Variants in KLF8 observed in about 807,000 individuals in gnomAD.
The protein encoded by KLF8 is KLF transcription factor 8, also known as Krueppel-like factor 8.
Under a neutral mutation model 18.2 loss-of-function variants are expected in KLF8, and 10 were observed. The ratio of observed to expected loss-of-function variants is 0.55; its 90% CI spans 0.34 to 0.93. KLF8 has a LOEUF of 0.93. Ranked by LOEUF, KLF8 falls within the 40% of genes least tolerant of loss-of-function variation. The pLI, the probability that KLF8 is intolerant of heterozygous loss-of-function variation, is 0.02. For missense variants in KLF8, 264 were observed against 277.9 expected (o/e 0.95, Z 0.36); for synonymous variants, 109 against 97.3 (o/e 1.12, Z -0.71).
At chrX:56,266,275 T>C (rs1161354667) in intron 3 of KLF8, 1 of 750,329 alleles carries the variant, frequency 1.3e-6, no homozygotes, top group Non-Finnish European at 1.6e-6. Flanking sequence ...CCTTTTCTCT[T>C]CCCTACAAAA....
At chrX:56,140,797 T>TAAAAAA in the KLF8 span, among the ~76,000 whole-genome samples, 21 of 43,900 alleles carry the variant, frequency 4.8e-4, no homozygotes, top group East Asian at 1.4e-3. Flanking sequence ...GCCCCTCCAG[T>TAAAAAA]AAAAAAAAAA....
the KLF8 span, among the ~76,000 whole-genome samples, chrX:56,035,014 C>T: frequency 9.0e-6 from 1 of 110,890 alleles, no homozygotes; most frequent in African/African-American, 3.3e-5. Flanking sequence ...CTCGGCCTCC[C>T]AAAGTGCTGG....
the KLF8 span, among the ~76,000 whole-genome samples, chrX:56,044,451 G>A: frequency 8.9e-6 from 1 of 112,266 alleles, no homozygotes; most frequent in East Asian, 2.8e-4. Context: ...CATCCCACTG[G>A]GAGCTTCACC....
intron 5 of KLF8, among the ~76,000 whole-genome samples, chrX:56,272,527 C>T (rs1473748571): frequency 9.0e-6 from 1 of 111,203 alleles, no homozygotes; most frequent in African/African-American, 3.3e-5. Context: ...TGTTTAGATT[C>T]GGAATTGTTC....
At chrX:56,263,025 A>G (rs970489879) in intron 2 of KLF8, among the ~76,000 whole-genome samples, 1 of 112,341 alleles carries the variant, frequency 8.9e-6, no homozygotes, top group African/African-American at 3.2e-5. Flanking sequence ...TCTTTTGAAG[A>G]TTCCTTGGAT....
At chrX:56,153,609 G>T in the KLF8 span, among the ~76,000 whole-genome samples, 1 of 111,293 alleles carries the variant, frequency 9.0e-6, no homozygotes, top group Non-Finnish European at 1.9e-5. Flanking sequence ...GAAATAAAGG[G>T]TATTCAATTA....
At chrX:56,258,600 G>C (rs762536175) in intron 2 of KLF8, among the ~76,000 whole-genome samples, 1 of 112,484 alleles carries the variant, frequency 8.9e-6, no homozygotes, top group Non-Finnish European at 1.9e-5. Flanking sequence ...TGAGATCTCA[G>C]TGTACCTAAG....
At chrX:56,159,077 T>C in the KLF8 span, among the ~76,000 whole-genome samples, 2 of 112,224 alleles carry the variant, frequency 1.8e-5, no homozygotes, top group African/African-American at 3.2e-5. Context: ...ACCTAATTTA[T>C]TGAGAATTTT....
the KLF8 span, among the ~76,000 whole-genome samples, chrX:56,103,058 C>T: frequency 9.1e-6 from 1 of 109,955 alleles, no homozygotes; most frequent in African/African-American, 3.3e-5. Context: ...CTGTTCTGTT[C>T]CATTGGTCTA....
the KLF8 span, among the ~76,000 whole-genome samples, chrX:55,933,281 T>A: frequency 8.9e-6 from 1 of 111,895 alleles, no homozygotes; most frequent in African/African-American, 3.2e-5. Context: ...AAACACATAG[T>A]CCATTTCTAC....
the KLF8 span, among the ~76,000 whole-genome samples, chrX:55,949,561 AG>A: frequency 9.1e-6 from 1 of 110,334 alleles, no homozygotes; most frequent in African/African-American, 3.3e-5. Context: ...TGGGAGGCCG[AG>A]GGGGTGGATC....
At chrX:56,209,095 C>A in the KLF8 span, among the ~76,000 whole-genome samples, 1 of 111,593 alleles carries the variant, frequency 9.0e-6, no homozygotes, top group Non-Finnish European at 1.9e-5. Flanking sequence ...TGGGGTCTTT[C>A]TCTTTAGCTC....
chrX:56,226,516 G>C, the KLF8 span, among the ~76,000 whole-genome samples: 1 of 111,773 alleles, frequency 8.9e-6, no homozygotes, highest in African/African-American at 3.3e-5. Flanking sequence ...TAAATCACCT[G>C]GTATGAATGC....
chrX:56,150,251 C>A, the KLF8 span, among the ~76,000 whole-genome samples: 3 of 111,676 alleles, frequency 2.7e-5, no homozygotes, highest in Non-Finnish European at 5.6e-5. Context: ...TTCCTTAACA[C>A]CTTCACCTCA....
At chrX:55,955,501 A>T in the KLF8 span, among the ~76,000 whole-genome samples, 1 of 111,640 alleles carries the variant, frequency 9.0e-6, no homozygotes, top group African/African-American at 3.3e-5. Flanking sequence ...GGTAACTCTC[A>T]CTGCTGTGTA....
the KLF8 span, among the ~76,000 whole-genome samples, chrX:56,046,488 T>G: frequency 9.0e-6 from 1 of 111,156 alleles, no homozygotes; most frequent in Non-Finnish European, 1.9e-5. Flanking sequence ...TTCAGTGTGT[T>G]TTTGTTGTAT....
rs2067244073 is a variant in KLF8, at chrX:56,284,359, T to G, written c.945T>G (p.Phe315Leu). ...CCTGGGATGGCTGCTCCTGGAAATTTGCTCGCTCAGATGAGCTCACTCGCC... is the reference window on the plus strand; with the variant it reads ...CCTGGGATGGCTGCTCCTGGAAATTGGCTCGCTCAGATGAGCTCACTCGCC... ...KCTWDGCSWK[F>L]ARSDELTRHF... is the part of the protein sequence containing the mutation. Residue 315 changes from phenylalanine to leucine, a missense_variant, in exon 6 of 6, where the codon TTT (phenylalanine) becomes TTG (leucine). This residue lies in a region of KLF8 where 43 missense variants were observed against 84.3 expected (regional missense o/e 0.51). Transcript: ENST00000468660. 1 of 1,190,905 alleles carries G rather than the reference T, an allele frequency of 8.4e-7. No individual in the cohort carries two copies. The highest frequency in any genetic ancestry group is 1.1e-6 in the Non-Finnish European group (1 of 885,826).
the KLF8 span, among the ~76,000 whole-genome samples, chrX:56,046,578 G>A: frequency 9.9e-6 from 1 of 100,849 alleles, no homozygotes; most frequent in Non-Finnish European, 2.0e-5. Flanking sequence ...AATTGGTAGT[G>A]TCGTATTCTC....
At chrX:56,062,566 T>C in the KLF8 span, among the ~76,000 whole-genome samples, 27 of 112,411 alleles carry the variant, frequency 2.4e-4, no homozygotes, top group South Asian at 9.6e-3. Context: ...GTTAGTCTGA[T>C]GGCCTTCTTT....
Sources: gnomAD v4.1 joint callset for allele counts (sites outside exome capture counted in the v4.1 genomes callset) on GRCh38, gnomAD v4.1.1 for gene constraint, gnomAD v4.1.1 regional missense constraint, MANE v1.5 for transcripts, NCBI Gene and HGNC (gene_info 2026-07-23, HGNC 2026-07-21) for gene names.